FLI1: variants seen among roughly 807,000 people sequenced by gnomAD.
FLI1 encodes the protein Fli-1 proto-oncogene, ETS transcription factor.
In FLI1, 13 loss-of-function variants were observed where a neutral mutation model predicts 53.1. The observed-to-expected ratio is 0.24, with a 90% CI of 0.16 to 0.39. The LOEUF is 0.39. Ranked by LOEUF, FLI1 falls within the 10% of genes least tolerant of loss-of-function variation. FLI1 has a pLI of 1.00. For missense variants in FLI1, 424 were observed against 600.5 expected (o/e 0.71, Z 3.07); for synonymous variants, 244 against 236.7 (o/e 1.03, Z -0.28).
chr11:128,808,585 G>A (rs1025373482), intron 7 of FLI1, among the ~76,000 whole-genome samples: 1 of 152,136 alleles, frequency 6.6e-6, no homozygotes, highest in African/African-American at 2.4e-5. Context: ...AGAAAACTGA[G>A]GAATCCAGTA....
chr11:128,719,258 A>T, intron 1 of FLI1, among the ~76,000 whole-genome samples: 1 of 148,582 alleles, frequency 6.7e-6, no homozygotes, highest in African/African-American at 2.5e-5. Context: ...TCAGAGTCTC[A>T]GTTTCCTCAT....
chr11:128,788,299 G>A (rs907474995), intron 5 of FLI1, among the ~76,000 whole-genome samples: 21 of 151,972 alleles, frequency 1.4e-4, no homozygotes, highest in Admixed American at 9.8e-4. Context: ...GTGAAACCCC[G>A]TCTCTACTAA....
chr11:128,732,255 C>A (rs572692185), intron 1 of FLI1, among the ~76,000 whole-genome samples: 5 of 152,210 alleles, frequency 3.3e-5, no homozygotes, highest in Admixed American at 1.3e-4. Context: ...TATCTTCCCC[C>A]CTTCTCATCT....
At chr11:128,791,478 A>G (rs1418746486) in intron 5 of FLI1, among the ~76,000 whole-genome samples, 6 of 152,154 alleles carry the variant, frequency 3.9e-5, no homozygotes, top group Admixed American at 1.3e-4. Context: ...TGTTTTACCA[A>G]TACAGCATTC....
At chr11:128,708,268 G>A (rs764484104) in intron 1 of FLI1, among the ~76,000 whole-genome samples, 14 of 152,180 alleles carry the variant, frequency 9.2e-5, no homozygotes, top group Non-Finnish European at 2.1e-4. Flanking sequence ...TCAGTTGAGT[G>A]GTCAGTCTCA....
chr11:128,698,419 G>A (rs1938179924), intron 1 of FLI1, among the ~76,000 whole-genome samples: 1 of 152,164 alleles, frequency 6.6e-6, no homozygotes, highest in African/African-American at 2.4e-5. Context: ...CCACCAAAAG[G>A]CTTCCTTCCA....
chr11:128,737,201 G>A (rs893704719), intron 1 of FLI1, among the ~76,000 whole-genome samples: 5 of 152,140 alleles, frequency 3.3e-5, no homozygotes, highest in Admixed American at 6.5e-5. Context: ...GGACACAGTA[G>A]GGGAGGCCAG....
intron 2 of FLI1, among the ~76,000 whole-genome samples, chr11:128,763,616 C>G (rs1218941321): frequency 2.6e-5 from 4 of 152,188 alleles, no homozygotes; most frequent in Non-Finnish European, 5.9e-5. Context: ...CCCTGGACAC[C>G]TAGGGACTCA....
At chr11:128,799,651 G>A (rs1233502169) in intron 5 of FLI1, among the ~76,000 whole-genome samples, 4 of 152,146 alleles carry the variant, frequency 2.6e-5, no homozygotes, top group African/African-American at 4.8e-5. Flanking sequence ...GGATACCTTC[G>A]TGATGACATC....
intron 5 of FLI1, among the ~76,000 whole-genome samples, chr11:128,797,631 C>T (rs561233893): frequency 6.6e-6 from 1 of 152,180 alleles, no homozygotes; most frequent in South Asian, 2.1e-4. Context: ...GGACGTTTGT[C>T]TAGCGATTGT....
intron 1 of FLI1, among the ~76,000 whole-genome samples, chr11:128,739,995 C>T (rs73573709): frequency 8.5e-5 from 13 of 152,182 alleles, no homozygotes; most frequent in East Asian, 3.9e-4. Flanking sequence ...CTCATCCCCA[C>T]GTGTGAGGGA....
intron 4 of FLI1, among the ~76,000 whole-genome samples, chr11:128,776,447 T>C (rs1425433885): frequency 1.3e-5 from 2 of 152,222 alleles, no homozygotes; most frequent in Non-Finnish European, 2.9e-5. Context: ...GGCCAGAAGT[T>C]GGAGACCAGC....
chr11:128,726,719 A>C (rs1939499825), intron 1 of FLI1, among the ~76,000 whole-genome samples: 1 of 152,214 alleles, frequency 6.6e-6, no homozygotes, highest in Non-Finnish European at 1.5e-5. Flanking sequence ...CAGTGGAACA[A>C]GTGTCTTGGG....
chr11:128,766,941 G>A (rs189663090), intron 2 of FLI1, among the ~76,000 whole-genome samples: 44 of 113,838 alleles, frequency 3.9e-4, no homozygotes, highest in African/African-American at 1.1e-3. Context: ...GTATAATGGC[G>A]GCTACAGCTT....
At chr11:128,763,753 G>T (rs1469020984) in intron 2 of FLI1, among the ~76,000 whole-genome samples, 2 of 152,088 alleles carry the variant, frequency 1.3e-5, no homozygotes, top group East Asian at 2.0e-4. Flanking sequence ...AACCTGGGTG[G>T]GGAGGATACA....
intron 1 of FLI1, among the ~76,000 whole-genome samples, chr11:128,723,932 G>GGT (rs1939359728): frequency 1.0e-5 from 1 of 99,664 alleles, no homozygotes; most frequent in Non-Finnish European, 2.1e-5. Context: ...CAATGGAGTT[G>GGT]ATTTTTTTTT....
chr11:128,758,829 G>C (rs1377077363), intron 2 of FLI1, among the ~76,000 whole-genome samples: 1 of 152,192 alleles, frequency 6.6e-6, no homozygotes, highest in Non-Finnish European at 1.5e-5. Context: ...CACCTGGAAG[G>C]CGTGCATGAA....
chr11:128,752,334 C>T (rs1280358889), intron 1 of FLI1, among the ~76,000 whole-genome samples: 2 of 152,164 alleles, frequency 1.3e-5, no homozygotes, highest in Non-Finnish European at 2.9e-5. Flanking sequence ...AGGTACTTTA[C>T]TCATATTATC....
intron 1 of FLI1, among the ~76,000 whole-genome samples, chr11:128,732,660 G>T (rs1406708567): frequency 6.6e-6 from 1 of 152,200 alleles, no homozygotes; most frequent in Non-Finnish European, 1.5e-5. Context: ...GTCAAGGAAA[G>T]CCCCACTTTT....
Sources: gnomAD v4.1 joint callset for allele counts (sites outside exome capture counted in the v4.1 genomes callset) on GRCh38, gnomAD v4.1.1 for gene constraint, MANE v1.5 for transcripts, NCBI Gene and HGNC (gene_info 2026-07-23, HGNC 2026-07-21) for gene names.